Variants in SYNE3 observed in about 807,000 individuals in gnomAD.
SYNE3 encodes nesprin-3.
A neutral mutation model predicts 111.2 loss-of-function variants in SYNE3; 100 were observed. The ratio of observed to expected loss-of-function variants is 0.90; its 90% CI spans 0.77 to 1.06. The LOEUF (loss-of-function observed/expected upper bound fraction) is 1.06, where lower values mean the gene tolerates loss of function less well. Ranked by LOEUF, SYNE3 falls within the 50% of genes least tolerant of loss-of-function variation. SYNE3 has a pLI of 0.00. For synonymous variants in SYNE3, 547 were observed against 533.9 expected (o/e 1.02, Z -0.34); for missense variants, 1,160 against 1,240.3 (o/e 0.94, Z 0.97).
At chr14:95,423,236 C>A (rs1885233225) in intron 17 of SYNE3, among the ~76,000 whole-genome samples, 1 of 152,100 alleles carries the variant, frequency 6.6e-6, no homozygotes, top group Admixed American at 6.6e-5. Context: ...GAGAAGTGCC[C>A]ATGGATGTAA....
chr14:95,505,455 T>C (rs985237947), intron 1 of SYNE3, among the ~76,000 whole-genome samples: 7 of 152,194 alleles, frequency 4.6e-5, no homozygotes, highest in African/African-American at 7.2e-5. Context: ...AGCGATCTCA[T>C]TGGGCAGCCC....
intron 1 of SYNE3, among the ~76,000 whole-genome samples, chr14:95,506,073 A>C (rs1210895485): frequency 6.6e-6 from 1 of 152,196 alleles, no homozygotes; most frequent in Non-Finnish European, 1.5e-5. Flanking sequence ...AAGTTAAAAA[A>C]ATTTAAAAAA....
chr14:95,415,276 G>GCCCCCGGGGGGGGGGCCC lies in SYNE3; in HGVS notation c.*2549_*2550insGGGCCCCCCCCCCGGGGG, dbSNP rs1903543028. 7.2e-6 allele frequency: 1 copy of GCCCCCGGGGGGGGGGCCC among 139,614 alleles called. No individual in the cohort carries two copies. Among genetic ancestry groups the GCCCCCGGGGGGGGGGCCC allele is most frequent in the Non-Finnish European group, 1.5e-5 (1 of 64,614 alleles). The allele number at this position is 139,614 out of a possible 1,614,324, so 8.6% of individuals were successfully genotyped here. A position where few individuals can be genotyped will look rare whatever the true frequency, so the allele number is the denominator to read the frequency against. On this transcript the variant is annotated 3_prime_UTR_variant, in exon 18 of 18. Transcript: ENST00000682763. ...CATAGGAAAGTGGACACCTGGCAAG[G>GCCCCCGGGGGGGGGGCCC]CCCCCCCACCCACCCACCCTGCCAC...
In SYNE3 at chr14:95,500,306, G is replaced by T. The variant is rs537175915; in HGVS notation, c.-15+16290C>A. Among the ~76,000 whole-genome samples the T allele has an allele frequency of 6.6e-6, 1 of 152,172 alleles. No homozygotes were observed. Among genetic ancestry groups the T allele is most frequent in the African/African-American group, 2.4e-5 (1 of 41,438 alleles). On this transcript the variant is annotated intron_variant, in intron 1 of 17. Transcript: ENST00000682763. This position sits in a 1 kb window ranked among gnomAD's most constrained non-coding sequence, Gnocchi z 4.7. Reference sequence around the variant, plus strand: ...CTTGTTCCTGCCAGAACTTTGAGACGCCAGGTTTACGACGTGCCTGTGAGA... The same window carrying T: ...CTTGTTCCTGCCAGAACTTTGAGACTCCAGGTTTACGACGTGCCTGTGAGA...
At chr14:95,441,581 T>C (rs1886418955) in intron 11 of SYNE3, among the ~76,000 whole-genome samples, 1 of 152,262 alleles carries the variant, frequency 6.6e-6, no homozygotes, top group Non-Finnish European at 1.5e-5. Context: ...CGAGTGATGC[T>C]CAGTTAACGC....
intron 6 of SYNE3, among the ~76,000 whole-genome samples, chr14:95,453,685 G>A (rs1887232604): frequency 1.3e-5 from 2 of 152,222 alleles, no homozygotes; most frequent in South Asian, 4.1e-4. Flanking sequence ...AAGCTGGCCG[G>A]CCTGCAGGAA....
chr14:95,446,014 G>A lies in SYNE3; in HGVS notation c.1527C>T (p.Ile509=). 1.9e-6 allele frequency: 3 copies of A among 1,614,146 alleles called. No individual in the cohort carries two copies. The highest frequency in any genetic ancestry group is 2.5e-6 in the Non-Finnish European group (3 of 1,180,036). ...GTGCCGTGGCTCTCTCCTGGCCAAA[G>A]ATGCCAATCAGGAGGTCTTTCTTCA... ...LQLKKDLLIG[I]FGQERATALL... Residue 509 remains isoleucine (I), a synonymous_variant, in exon 9 of 18, where the codon ATC becomes ATT. Coordinates refer to ENST00000682763, the MANE Select transcript of SYNE3 (RefSeq NM_152592.6).
At chr14:95,459,779 C>A (rs186357890) in intron 4 of SYNE3, among the ~76,000 whole-genome samples, 1 of 152,240 alleles carries the variant, frequency 6.6e-6, no homozygotes, top group Non-Finnish European at 1.5e-5. Flanking sequence ...AGGCTTAGGA[C>A]CAAGCTCTTC....
chr14:95,449,810 T>C (rs1279754819), intron 8 of SYNE3, 121 bp downstream of exon 8: 3 of 1,438,092 alleles, frequency 2.1e-6, no homozygotes, highest in Non-Finnish European at 1.9e-6. Context: ...CCGGGCGCAG[T>C]GAGCTCTCCC....
chr14:95,471,766 A>G (rs571172427), intron 2 of SYNE3, among the ~76,000 whole-genome samples: 11 of 152,208 alleles, frequency 7.2e-5, no homozygotes, highest in Non-Finnish European at 1.5e-4. Flanking sequence ...CAGCTGGGAG[A>G]AAGTACTTGA....
intron 16 of SYNE3, among the ~76,000 whole-genome samples, chr14:95,432,897 C>T (rs1449082502): frequency 1.1e-4 from 17 of 152,094 alleles, no homozygotes; most frequent in African/African-American, 4.1e-4. Context: ...GGAGTCTCAG[C>T]TCCCCTCTGC....
intron 5 of SYNE3, 44 bp from the exon 6 acceptor site, chr14:95,455,768 G>A (rs773585724): frequency 6.3e-7 from 1 of 1,583,368 alleles, no homozygotes; most frequent in African/African-American, 1.3e-5. Context: ...CAGGGAAAAA[G>A]AATACAGTTG....
At position 95,440,183 on chromosome 14, in the gene SYNE3, G is replaced by T. The variant is rs949341822; in HGVS notation, c.1912-108C>A. 3.8e-6 allele frequency: 5 copies of T among 1,322,420 alleles called. No individual in the cohort carries two copies. The East Asian group carries it at 7.2e-5, about 19-fold the overall frequency. The allele number at this position is 1,322,420 out of a possible 1,614,324, so 81.9% of individuals were successfully genotyped here. A position where few individuals can be genotyped will look rare whatever the true frequency, so the allele number is the denominator to read the frequency against. Reference sequence around the variant, plus strand: ...TCTCACACCCGCTGGGGACCCCAGGGCTCCCCACCAAGTAGCACCACAAGA... The same window carrying T: ...TCTCACACCCGCTGGGGACCCCAGGTCTCCCCACCAAGTAGCACCACAAGA... On this transcript the variant is annotated intron_variant, in intron 11 of 17. Transcript: ENST00000682763.
At chr14:95,431,865 C>T (rs914122219) in intron 17 of SYNE3, among the ~76,000 whole-genome samples, 1 of 152,230 alleles carries the variant, frequency 6.6e-6, no homozygotes, top group Non-Finnish European at 1.5e-5. Context: ...GGACTCTGCA[C>T]ACCCTGCCAG....
intron 1 of SYNE3, among the ~76,000 whole-genome samples, chr14:95,498,792 GC>G (rs1890204889): frequency 6.6e-6 from 1 of 152,094 alleles, no homozygotes; most frequent in African/African-American, 2.4e-5. Flanking sequence ...TGCACCATAG[GC>G]CCTCAACACA....
At chr14:95,464,993 G>T (rs1446933873) in intron 4 of SYNE3, among the ~76,000 whole-genome samples, 1 of 152,226 alleles carries the variant, frequency 6.6e-6, no homozygotes, top group African/African-American at 2.4e-5. Context: ...AAAGAACAGG[G>T]AGACATAATA....
At position 95,439,895 on chromosome 14, in the gene SYNE3, G is replaced by A. The variant is rs781513106; in HGVS notation, c.2073+19C>T. ...AAGGCTGCTTCTTTGGGAAGTGGGT[G>A]AGGGAACCACCGCCTTACCTCAAAC... On this transcript the variant is annotated intron_variant, in intron 12 of 17. Coordinates refer to ENST00000682763, the MANE Select transcript of SYNE3 (RefSeq NM_152592.6). The A allele has an allele frequency of 6.2e-7, 1 of 1,606,100 alleles. No homozygotes were observed. The highest frequency in any genetic ancestry group is 8.5e-7 in the Non-Finnish European group (1 of 1,175,446).
chr14:95,507,716 C>T (rs1236595416), intron 1 of SYNE3, among the ~76,000 whole-genome samples: 2 of 152,236 alleles, frequency 1.3e-5, no homozygotes, highest in Admixed American at 1.3e-4. Context: ...CAGGCCTGCT[C>T]GCTGCCTGGT....
At chr14:95,426,161 G>T (rs1337489754) in intron 17 of SYNE3, among the ~76,000 whole-genome samples, 1 of 152,196 alleles carries the variant, frequency 6.6e-6, no homozygotes, top group Non-Finnish European at 1.5e-5. Flanking sequence ...AATACTTCAT[G>T]ACCAAAGTTT....
Sources: gnomAD v4.1 joint callset for allele counts (sites outside exome capture counted in the v4.1 genomes callset) on GRCh38, gnomAD v4.1.1 for gene constraint, Gnocchi (gnomAD v3.1) non-coding constraint, MANE v1.5 for transcripts, NCBI Gene and HGNC (gene_info 2026-07-23, HGNC 2026-07-21) for gene names.